The following SCAMP2 variants were observed in gnomAD, a reference collection of about 807,000 sequenced individuals.
SCAMP2 encodes secretory carrier membrane protein 2.
A neutral mutation model predicts 44.1 loss-of-function variants in SCAMP2; 25 were observed. That is an observed-to-expected ratio of 0.57 (90% CI 0.41 to 0.79). SCAMP2 has a LOEUF of 0.79. SCAMP2 is among the 30% of genes least tolerant of loss of function. The probability of loss-of-function intolerance (pLI) is 0.00; values close to 1 mark genes in which losing one functional copy is unlikely to be tolerated. For synonymous variants in SCAMP2, 156 were observed against 166.0 expected, an observed-to-expected ratio of 0.94 and a Z score of 0.46; for missense variants, 355 against 411.0, an observed-to-expected ratio of 0.86 and a Z score of 1.18.
chr15:74,856,264 CTTTTTTTTTTTT>C lies in SCAMP2; in HGVS notation c.58-1627_58-1616del, dbSNP rs34812536. Reference sequence around the variant, plus strand: ...ACTGGAAGCCTCTGCAGAGCCAGTTCTTTTTTTTTTTTTTTTTTTTTTTTTTTTAAGACAGAG... The same window carrying C: ...ACTGGAAGCCTCTGCAGAGCCAGTTCTTTTTTTTTTTTTTTTAAGACAGAG... On this transcript the variant is annotated intron_variant, in intron 1 of 8. Coordinates refer to ENST00000268099, the MANE Select transcript of SCAMP2 (RefSeq NM_005697.5). Among the ~76,000 whole-genome samples the C allele has an allele frequency of 3.0e-3, 180 of 60,426 alleles. 3 individuals carry two copies. Among genetic ancestry groups the C allele is most frequent in the African/African-American group, 0.011 (166 of 14,734 alleles). 39.6% of individuals were successfully genotyped at this position (60,426 alleles called of 152,430 possible).
At chr15:74,846,566 A>C (rs2064401346) in intron 7 of SCAMP2, among the ~76,000 whole-genome samples, 1 of 152,188 alleles carries the variant, frequency 6.6e-6, no homozygotes, top group Non-Finnish European at 1.5e-5. Context: ...GATCGAGACC[A>C]TCCTGGCTAA....
chr15:74,849,795 A>G (rs577159488), intron 6 of SCAMP2, among the ~76,000 whole-genome samples: 1 of 152,252 alleles, frequency 6.6e-6, no homozygotes, highest in South Asian at 2.1e-4. Flanking sequence ...AACAATGAGA[A>G]AAAAACAAAA....
intron 1 of SCAMP2, among the ~76,000 whole-genome samples, chr15:74,868,546 GGTTT>G (rs1456773297): frequency 2.0e-5 from 3 of 152,046 alleles, no homozygotes; most frequent in East Asian, 3.9e-4. Context: ...TCTTTATTTT[GGTTT>G]GTTTGTTTTT....
At chr15:74,845,779 G>A (rs2064395342) in intron 7 of SCAMP2, among the ~76,000 whole-genome samples, 186 bp from the exon 8 acceptor site, 1 of 152,232 alleles carries the variant, frequency 6.6e-6, no homozygotes, top group Non-Finnish European at 1.5e-5. Flanking sequence ...AGGCTGACAG[G>A]CCCACACTAC....
At chr15:74,846,795 G>A (rs1289811388) in intron 7 of SCAMP2, among the ~76,000 whole-genome samples, 5 of 152,084 alleles carry the variant, frequency 3.3e-5, no homozygotes, top group Admixed American at 6.6e-5. Flanking sequence ...GCACTGGGCC[G>A]GGCCTTTTTC....
intron 1 of SCAMP2, among the ~76,000 whole-genome samples, chr15:74,863,573 G>A (rs2064523104): frequency 6.6e-6 from 1 of 151,524 alleles, no homozygotes; most frequent in African/African-American, 2.4e-5. Flanking sequence ...GCCACCGGCT[G>A]CAATGTGTGG....
In SCAMP2 at chr15:74,845,023, G is replaced by A. The variant is rs1049274717; in HGVS notation, c.*60C>T. On this transcript the variant is annotated 3_prime_UTR_variant, in exon 9 of 9. Transcript: ENST00000268099. The stretch of plus-strand genomic sequence containing the variant: ...AACCACCACCACATAAGGCACCCAC[G>A]GAAAGTGCAGCTCAGAAGGCAGGCG... The A allele has an allele frequency of 1.3e-5, 21 of 1,569,592 alleles. No homozygotes were observed. The highest frequency in any genetic ancestry group is 6.8e-5 in the African/African-American group (5 of 73,884).
chr15:74,844,775 T>TG lies in SCAMP2; in HGVS notation c.*307dup. 3.6e-6 allele frequency: 1 copy of TG among 274,244 alleles called. No homozygotes were observed. The highest frequency in any genetic ancestry group is 7.1e-6 in the Non-Finnish European group (1 of 141,784). The allele number at this position is 274,244 out of a possible 1,614,324, so 17.0% of individuals were successfully genotyped here. On this transcript the variant is annotated 3_prime_UTR_variant, in exon 9 of 9. Transcript: ENST00000268099. ...AGGTCAGCCTGTGATCCCAACTGTG[T>TG]GGGGGTGTCTGTGTGTGCACAGGAC...
At chr15:74,873,176 G>A (rs1221416741) in intron 1 of SCAMP2, 23 bp downstream of exon 1, 4 of 1,427,988 alleles carry the variant, frequency 2.8e-6, no homozygotes, top group Non-Finnish European at 3.7e-6. Context: ...TCTGAGAGCT[G>A]GATGGCGGGA....
chr15:74,870,554 G>T (rs2064568721), intron 1 of SCAMP2, among the ~76,000 whole-genome samples: 1 of 151,988 alleles, frequency 6.6e-6, no homozygotes, highest in Non-Finnish European at 1.5e-5. Context: ...AGAAGACATT[G>T]GCAGAAAAAA....
chr15:74,853,633 A>T (rs2064449843), intron 3 of SCAMP2: 1 of 365,072 alleles, frequency 2.7e-6, no homozygotes, highest in Non-Finnish European at 5.4e-6. Flanking sequence ...GGACAAAGGA[A>T]GACAGGAAGG....
At position 74,852,049 on chromosome 15, in the gene SCAMP2, G is replaced by GC; in HGVS notation, c.343+19dup. ...TCTATGCCAGGCAGGGCAGCCCCAGGCCCCAGCAGCCTCCCTTACCATGCA... is the reference window on the plus strand; with the variant it reads ...TCTATGCCAGGCAGGGCAGCCCCAGGCCCCCAGCAGCCTCCCTTACCATGCA... On this transcript the variant is annotated intron_variant, in intron 4 of 8. Coordinates refer to ENST00000268099, the MANE Select transcript of SCAMP2 (RefSeq NM_005697.5). 1 of 1,521,062 alleles carries GC rather than the reference G, an allele frequency of 6.6e-7. No individual in the cohort carries two copies. Among genetic ancestry groups the GC allele is most frequent in the African/African-American group, 1.4e-5 (1 of 71,240 alleles). 94.2% of individuals were successfully genotyped at this position (1,521,062 alleles called of 1,614,324 possible). A position where few individuals can be genotyped will look rare whatever the true frequency, so the allele number is the denominator to read the frequency against.
At chr15:74,852,043 C>T in intron 4 of SCAMP2, 26 bp downstream of exon 4, 2 of 1,502,436 alleles carry the variant, frequency 1.3e-6, no homozygotes, top group Non-Finnish European at 1.8e-6. Context: ...GGCAGGGCAG[C>T]CCCAGGCCCC....
intron 1 of SCAMP2, among the ~76,000 whole-genome samples, chr15:74,857,201 C>T (rs967129240): frequency 1.3e-5 from 2 of 152,184 alleles, no homozygotes; most frequent in Non-Finnish European, 2.9e-5. Context: ...ATACTACAGC[C>T]TCCACCCCTT....
At chr15:74,862,123 C>T (rs1219421565) in intron 1 of SCAMP2, among the ~76,000 whole-genome samples, 5 of 148,902 alleles carry the variant, frequency 3.4e-5, no homozygotes, top group Non-Finnish European at 5.9e-5. Context: ...GTTAGCCAGG[C>T]GTGGTGGCAT....
intron 1 of SCAMP2, chr15:74,872,805 C>G (rs2141185070): frequency 5.8e-6 from 1 of 173,316 alleles, no homozygotes; most frequent in South Asian, 1.6e-4. Context: ...TCATATGTTG[C>G]TGTCACCCCC....
intron 1 of SCAMP2, among the ~76,000 whole-genome samples, chr15:74,855,354 G>A (rs1486926218): frequency 1.3e-5 from 2 of 151,906 alleles, no homozygotes; most frequent in East Asian, 1.9e-4. Flanking sequence ...TGCCTGTCTC[G>A]GCCTCCCGAA....
chr15:74,866,682 GC>G (rs1474104900), intron 1 of SCAMP2, among the ~76,000 whole-genome samples: 1 of 152,066 alleles, frequency 6.6e-6, no homozygotes, highest in Non-Finnish European at 1.5e-5. Context: ...TTCAGTCCAA[GC>G]CCTCTGTGCC....
At chr15:74,851,822 T>C in intron 4 of SCAMP2, 1 of 447,716 alleles carries the variant, frequency 2.2e-6, no homozygotes. Flanking sequence ...GCCCCTATGC[T>C]ATCAAAGAAT....
Sources: gnomAD v4.1 joint callset for allele counts (sites outside exome capture counted in the v4.1 genomes callset) on GRCh38, gnomAD v4.1.1 for gene constraint, MANE v1.5 for transcripts, NCBI Gene and HGNC (gene_info 2026-07-23, HGNC 2026-07-21) for gene names.